ARHGAP24: variants seen among roughly 807,000 people sequenced by gnomAD.
The protein encoded by ARHGAP24 is Rho GTPase activating protein 24, also known as rho GTPase-activating protein 24.
ARHGAP24 carries 50 observed loss-of-function variants against 76.4 expected under a neutral mutation model. The ratio of observed to expected loss-of-function variants is 0.65; its 90% confidence interval spans 0.52 to 0.83. The LOEUF (loss-of-function observed/expected upper bound fraction) is 0.83, where lower values mean the gene tolerates loss of function less well. Ranked by LOEUF, ARHGAP24 falls within the 40% of genes least tolerant of loss-of-function variation. The pLI, the probability that ARHGAP24 is intolerant of heterozygous loss-of-function variation, is 0.00. For synonymous variants in ARHGAP24, 345 were observed against 323.3 expected, an observed-to-expected ratio of 1.07 and a Z score of -0.72; for missense variants, 930 against 914.2, an observed-to-expected ratio of 1.02 and a Z score of -0.22.
At chr4:85,639,722 G>A (rs753344678) in intron 2 of ARHGAP24, among the ~76,000 whole-genome samples, 3 of 151,412 alleles carry the variant, frequency 2.0e-5, no homozygotes, top group Non-Finnish European at 2.9e-5. Context: ...AAAAAGGAGG[G>A]GAGAAGTTTG....
intron 3 of ARHGAP24, among the ~76,000 whole-genome samples, chr4:85,862,611 C>T (rs1731965497): frequency 1.3e-5 from 2 of 152,088 alleles, no homozygotes; most frequent in African/African-American, 2.4e-5. Context: ...CTCTGAATTC[C>T]TGTCCCAGCC....
intron 7 of ARHGAP24, among the ~76,000 whole-genome samples, chr4:85,976,642 C>G (rs1276745343): frequency 6.6e-6 from 1 of 152,138 alleles, no homozygotes; most frequent in African/African-American, 2.4e-5. Flanking sequence ...TGAAGGAATG[C>G]TGAAAGATTA....
intron 3 of ARHGAP24, among the ~76,000 whole-genome samples, chr4:85,724,337 G>A (rs1725074760): frequency 6.6e-6 from 1 of 151,998 alleles, no homozygotes; most frequent in African/African-American, 2.4e-5. Flanking sequence ...AATTTCATCT[G>A]CCCATAATGA....
At chr4:85,692,783 C>T (rs973529322) in intron 2 of ARHGAP24, among the ~76,000 whole-genome samples, 1 of 152,180 alleles carries the variant, frequency 6.6e-6, no homozygotes, top group African/African-American at 2.4e-5. Flanking sequence ...TCCTTGCCAT[C>T]CAGATTCTAA....
At chr4:85,697,939 C>T (rs750600572) in intron 2 of ARHGAP24, among the ~76,000 whole-genome samples, 7 of 152,160 alleles carry the variant, frequency 4.6e-5, no homozygotes, top group Non-Finnish European at 8.8e-5. Flanking sequence ...AATACTGAGT[C>T]CATTTTCATT....
At chr4:85,665,947 C>T (rs181603249) in intron 2 of ARHGAP24, among the ~76,000 whole-genome samples, 70 of 152,300 alleles carry the variant, frequency 4.6e-4, no homozygotes, top group African/African-American at 1.6e-3. Flanking sequence ...CTGCCCTTAA[C>T]ATTTTTTCCT....
intron 3 of ARHGAP24, among the ~76,000 whole-genome samples, chr4:85,748,166 G>C (rs941339304): frequency 1.3e-5 from 2 of 152,206 alleles, no homozygotes; most frequent in Admixed American, 1.3e-4. Flanking sequence ...TGGCTTTGAT[G>C]TCTTTAACAC....
chr4:85,952,251 T>C (rs868491557), intron 5 of ARHGAP24, among the ~76,000 whole-genome samples: 8 of 152,248 alleles, frequency 5.3e-5, no homozygotes, highest in African/African-American at 1.9e-4. Context: ...CATTTTCCCA[T>C]GTCATTAAGT....
At chr4:85,792,662 G>A (rs1349134942) in intron 3 of ARHGAP24, among the ~76,000 whole-genome samples, 2 of 151,764 alleles carry the variant, frequency 1.3e-5, no homozygotes, top group Non-Finnish European at 2.9e-5. Context: ...CTCCTTGATT[G>A]TCTCAGCTCT....
At chr4:85,482,373 C>T (rs966372256) in intron 1 of ARHGAP24, among the ~76,000 whole-genome samples, 6 of 152,124 alleles carry the variant, frequency 3.9e-5, no homozygotes, top group African/African-American at 1.4e-4. Context: ...ATGCTTTCAT[C>T]GTGGGATAAC....
Position 85,571,088 on chromosome 4 carries a change from G to A in ARHGAP24, c.180+367G>A, listed in dbSNP as rs542751830. On this transcript the variant is annotated intron_variant, in intron 2 of 9. Transcript: ENST00000395184. ...GTAAATGGAAAGCACAGGTTTGAAG[G>A]AAGAACTGTAGGCACAACTTTCAGT... 5.3e-5 allele frequency among the ~76,000 whole-genome samples: 8 copies of A among 152,290 alleles called. 1 individual carries two copies. The East Asian group carries it at 1.5e-3, about 29-fold the overall frequency.
intron 5 of ARHGAP24, among the ~76,000 whole-genome samples, chr4:85,968,467 A>G (rs1311739063): frequency 3.3e-5 from 5 of 152,174 alleles, no homozygotes; most frequent in Middle Eastern, 3.2e-3. Context: ...ATTGATATCT[A>G]ATTAATTGGT....
At chr4:85,511,317 A>G (rs1724273317) in intron 1 of ARHGAP24, among the ~76,000 whole-genome samples, 1 of 152,126 alleles carries the variant, frequency 6.6e-6, no homozygotes, top group Non-Finnish European at 1.5e-5. Context: ...TCTAGGAAAG[A>G]CTTTCAACTG....
At chr4:85,640,254 C>G (rs1721476068) in intron 2 of ARHGAP24, among the ~76,000 whole-genome samples, 1 of 152,100 alleles carries the variant, frequency 6.6e-6, no homozygotes. Context: ...TCAAACGAAC[C>G]AATTCTAAAC....
At chr4:85,780,825 A>C (rs1727523947) in intron 3 of ARHGAP24, among the ~76,000 whole-genome samples, 2 of 152,232 alleles carry the variant, frequency 1.3e-5, no homozygotes, top group African/African-American at 4.8e-5. Flanking sequence ...TGTGTTCTGT[A>C]GTAGAGGTTG....
chr4:85,815,683 C>T (rs898179860), intron 3 of ARHGAP24, among the ~76,000 whole-genome samples: 4 of 152,190 alleles, frequency 2.6e-5, no homozygotes, highest in Non-Finnish European at 4.4e-5. Flanking sequence ...CCCATATTTT[C>T]CTGTCTTCTT....
intron 3 of ARHGAP24, among the ~76,000 whole-genome samples, chr4:85,766,124 G>C (rs971442408): frequency 3.3e-5 from 5 of 152,032 alleles, no homozygotes; most frequent in Non-Finnish European, 7.4e-5. Context: ...TAGAGCCCGG[G>C]GAGGAAAAGT....
chr4:85,562,593 C>T (rs1030974381), intron 1 of ARHGAP24, among the ~76,000 whole-genome samples: 1 of 152,194 alleles, frequency 6.6e-6, no homozygotes, highest in Admixed American at 6.5e-5. Context: ...CTCTCTACCA[C>T]CACCTGTGCT....
chr4:85,530,350 G>A (rs930124399), intron 1 of ARHGAP24, among the ~76,000 whole-genome samples: 10 of 151,840 alleles, frequency 6.6e-5, no homozygotes, highest in East Asian at 3.9e-4. Context: ...AGAACTTCCC[G>A]TATCTGGATA....
Sources: allele counts gnomAD v4.1 joint callset (sites outside exome capture counted in the v4.1 genomes callset), GRCh38; gene constraint gnomAD v4.1.1; transcripts MANE v1.5; gene names NCBI Gene and HGNC (gene_info 2026-07-23, HGNC 2026-07-21).